Variants in MAP3K2 observed in about 807,000 individuals in gnomAD.
MAP3K2 encodes the protein mitogen-activated protein kinase kinase kinase 2, also known as MAP/ERK kinase kinase 2.
Under a neutral mutation model 80.3 loss-of-function variants are expected in MAP3K2, and 24 were observed. That is an observed-to-expected ratio of 0.30 (90% CI 0.22 to 0.42). The LOEUF is 0.42. Among genes scored for constraint, MAP3K2 ranks in the 10% least tolerant of loss-of-function variants. The pLI is 1.00. For missense variants in MAP3K2, 608 were observed against 750.1 expected (o/e 0.81, Z 2.21); for synonymous variants, 244 against 253.7 (o/e 0.96, Z 0.36).
intron 15 of MAP3K2, 138 bp from the exon 16 acceptor site, chr2:127,308,900 T>A: frequency 1.2e-6 from 1 of 834,468 alleles, no homozygotes; most frequent in Non-Finnish European, 1.8e-6. Flanking sequence ...CCTCTGGCAG[T>A]AGCTGGCATA....
chr2:127,360,202 T>C (rs1686860004), intron 1 of MAP3K2, among the ~76,000 whole-genome samples: 1 of 152,144 alleles, frequency 6.6e-6, no homozygotes. Context: ...AGAAATAAAC[T>C]ATTGATACAT....
intron 1 of MAP3K2, among the ~76,000 whole-genome samples, chr2:127,368,743 G>A (rs1418456277): frequency 5.9e-5 from 9 of 151,982 alleles, no homozygotes; most frequent in Admixed American, 5.9e-4. Context: ...TAACTGCCAT[G>A]TAAATAGTTG....
At chr2:127,361,118 C>T (rs1358550265) in intron 1 of MAP3K2, among the ~76,000 whole-genome samples, 2 of 151,916 alleles carry the variant, frequency 1.3e-5, no homozygotes, top group Admixed American at 1.3e-4. Context: ...TCGAGACCAT[C>T]CTGGCTAACA....
chr2:127,322,208 A>G lies in MAP3K2; in HGVS notation c.883T>C (p.Leu295=), dbSNP rs765850504. 2 of 1,614,010 alleles carry G rather than the reference A, an allele frequency of 1.2e-6. No homozygotes were observed. The highest frequency in any genetic ancestry group is 2.2e-5 in the East Asian group (1 of 44,884). Residue 295 remains leucine (L), a synonymous_variant, in exon 12 of 17, where the codon TTA becomes CTA. Coordinates refer to ENST00000682094, the MANE Select transcript of MAP3K2 (RefSeq NM_001371910.2). This position sits in a 1 kb window ranked among gnomAD's most constrained non-coding sequence, Gnocchi z 4.2. ...GGACTGAAACTCACAGGAGACCGTA[A>G]GCTGGTCCCCTGGGTCCTTCTAGCT... is the stretch of plus-strand genomic sequence containing the variant. ...PRARRTQGTS[L]RSPVSFSPTD...
chr2:127,324,359 C>A, intron 9 of MAP3K2, 118 bp from the exon 10 acceptor site: 1 of 565,362 alleles, frequency 1.8e-6, no homozygotes, highest in Non-Finnish European at 3.0e-6. Context: ...TGTAAAGGAG[C>A]TCACTTTGAA....
At chr2:127,348,409 A>C (rs1041336817) in intron 1 of MAP3K2, among the ~76,000 whole-genome samples, 7 of 152,108 alleles carry the variant, frequency 4.6e-5, no homozygotes, top group Non-Finnish European at 7.3e-5. Flanking sequence ...TAAACAAATA[A>C]ATAAAATTCA....
At position 127,304,829 on chromosome 2, in the gene MAP3K2, T is replaced by C. The variant is rs971707795; in HGVS notation, c.*2750A>G. The C allele has an allele frequency of 5.9e-5, 9 of 152,554 alleles. No individual in the cohort carries two copies. The highest frequency in any genetic ancestry group is 1.9e-4 in the African/African-American group (8 of 41,448). 9.5% of individuals were successfully genotyped at this position (152,554 alleles called of 1,614,324 possible). The stretch of plus-strand genomic sequence containing the variant: ...TCAAGCTTTTTTGTTCTAGTAGTTT[T>C]TATATATATTAACTTTTATTGTGGT... On this transcript the variant is annotated 3_prime_UTR_variant, in exon 17 of 17. Coordinates refer to ENST00000682094, the MANE Select transcript of MAP3K2 (RefSeq NM_001371910.2).
At chr2:127,386,318 T>C (rs1249239136) in intron 1 of MAP3K2, among the ~76,000 whole-genome samples, 2 of 152,224 alleles carry the variant, frequency 1.3e-5, no homozygotes, top group African/African-American at 2.4e-5. Flanking sequence ...AGTTAACTTA[T>C]AAACACTGAC....
intron 1 of MAP3K2, among the ~76,000 whole-genome samples, chr2:127,345,483 CA>C (rs1369136244): frequency 6.6e-6 from 1 of 152,166 alleles, no homozygotes; most frequent in African/African-American, 2.4e-5. Context: ...GACAGAAAAT[CA>C]ATGAGGAAAT....
intron 5 of MAP3K2, among the ~76,000 whole-genome samples, chr2:127,332,874 A>G (rs11680877): frequency 0.24 from 36,798 of 152,062 alleles, 4,682 homozygotes; most frequent in Middle Eastern, 0.31. Flanking sequence ...TCACACCTGT[A>G]ATCTCAGCAC....
In MAP3K2 at chr2:127,365,116, C is replaced by CAAAAAAA. The variant is rs10558890; in HGVS notation, c.-65-21929_-65-21923dup. Among the ~76,000 whole-genome samples, 313 of 31,660 alleles carry CAAAAAAA rather than the reference C, an allele frequency of 9.9e-3. 90 individuals are homozygous for CAAAAAAA. The highest frequency in any genetic ancestry group is 0.014 in the Non-Finnish European group (244 of 17,150). The allele number at this position is 31,660 out of a possible 152,430, so 20.8% of individuals were successfully genotyped here. ...TGGGCGACAGAGTGAGACTCTGCCT[C>CAAAAAAA]AAAAAAAAAAAAAAAAAAAAAAAAA... On this transcript the variant is annotated intron_variant, in intron 1 of 16. Coordinates refer to ENST00000682094, the MANE Select transcript of MAP3K2 (RefSeq NM_001371910.2).
rs561555920 is a variant in MAP3K2, at chr2:127,324,015, G to A, written c.746-21C>T. 5.2e-5 allele frequency: 63 copies of A among 1,205,752 alleles called. 2 individuals are homozygous for A. In the South Asian group the frequency reaches 8.5e-4, roughly 16 times the overall value. 74.7% of individuals were successfully genotyped at this position (1,205,752 alleles called of 1,614,324 possible). ...ATAGTCTGTTAAGACATATAAGATG[G>A]TTATCTTTTATTTAAAAAAAAAAGT... On this transcript the variant is annotated intron_variant, in intron 10 of 16. Coordinates refer to ENST00000682094, the MANE Select transcript of MAP3K2 (RefSeq NM_001371910.2).
chr2:127,384,499 T>G (rs1200121461), intron 1 of MAP3K2, among the ~76,000 whole-genome samples: 1 of 151,980 alleles, frequency 6.6e-6, no homozygotes, highest in Non-Finnish European at 1.5e-5. Context: ...TAACAGGAAT[T>G]TGGAAGAAGC....
At chr2:127,384,321 A>G (rs1455343384) in intron 1 of MAP3K2, among the ~76,000 whole-genome samples, 5 of 152,150 alleles carry the variant, frequency 3.3e-5, no homozygotes, top group Admixed American at 1.3e-4. Context: ...CTAAAAAAAG[A>G]AAAACAAACG....
At position 127,304,694 on chromosome 2, in the gene MAP3K2, A is replaced by T. The variant is rs1685663055; in HGVS notation, c.*2885T>A. The stretch of plus-strand genomic sequence containing the variant: ...GTTGATCCATATCATTATTAGAAAG[A>T]AGAAAAAAACGGAGTGTTATATTTA... On this transcript the variant is annotated 3_prime_UTR_variant, in exon 17 of 17. Transcript: ENST00000682094. 6.6e-6 allele frequency: 1 copy of T among 152,604 alleles called. No homozygotes were observed. The highest frequency in any genetic ancestry group is 6.6e-5 in the Admixed American group (1 of 15,252). The allele number at this position is 152,604 out of a possible 1,614,324, so 9.5% of individuals were successfully genotyped here.
At chr2:127,366,157 G>T (rs966225547) in intron 1 of MAP3K2, among the ~76,000 whole-genome samples, 4 of 152,024 alleles carry the variant, frequency 2.6e-5, no homozygotes, top group African/African-American at 4.8e-5. Context: ...CCTCCCATTT[G>T]CAAAAAGCAA....
chr2:127,360,058 T>G (rs1046853154), intron 1 of MAP3K2, among the ~76,000 whole-genome samples: 1 of 152,200 alleles, frequency 6.6e-6, no homozygotes, highest in Admixed American at 6.5e-5. Context: ...ATGAATATAC[T>G]TGTACACAAA....
At position 127,349,448 on chromosome 2, in the gene MAP3K2, T is replaced by C. The variant is rs753367211; in HGVS notation, c.-65-6254A>G. On this transcript the variant is annotated intron_variant, in intron 1 of 16. Transcript: ENST00000682094. ...CTCAAAGTGTTGGGATTACAGGCCA[T>C]CCAGCCTGGTCTCGAGAAAGTGCTC... Among the ~76,000 whole-genome samples the C allele has an allele frequency of 8.4e-4, 128 of 152,080 alleles. 1 individual carries two copies. Among genetic ancestry groups the C allele is most frequent in the Non-Finnish European group, 2.6e-4 (18 of 68,014 alleles).
chr2:127,354,681 T>G (rs1239509667), intron 1 of MAP3K2, among the ~76,000 whole-genome samples: 1 of 152,032 alleles, frequency 6.6e-6, no homozygotes, highest in Non-Finnish European at 1.5e-5. Context: ...AAATGTCCAG[T>G]GCCTAACAAG....
Sources: allele counts gnomAD v4.1 joint callset (sites outside exome capture counted in the v4.1 genomes callset), GRCh38; gene constraint gnomAD v4.1.1; non-coding constraint Gnocchi (gnomAD v3.1); transcripts MANE v1.5; gene names NCBI Gene and HGNC (gene_info 2026-07-23, HGNC 2026-07-21).